PIEZO2: variants seen among roughly 807,000 people sequenced by gnomAD.
PIEZO2 encodes piezo-type mechanosensitive ion channel component 2.
PIEZO2 carries 172 observed loss-of-function variants against 337.3 expected under a neutral mutation model. That is an observed-to-expected ratio of 0.51 (90% confidence interval 0.45 to 0.58). The LOEUF is 0.58. Among genes scored for constraint, PIEZO2 ranks in the 20% least tolerant of loss-of-function variants. The pLI is 0.00. For missense variants in PIEZO2, 3,028 were observed against 3,391.3 expected (o/e 0.89, Z 2.66); for synonymous variants, 1,251 against 1,228.5 (o/e 1.02, Z -0.38).
chr18:10,725,644 G>A (rs2036504883), intron 36 of PIEZO2, among the ~76,000 whole-genome samples: 1 of 152,220 alleles, frequency 6.6e-6, no homozygotes, highest in Non-Finnish European at 1.5e-5. Flanking sequence ...GCCAGAACAT[G>A]CCTGCCCACG....
chr18:10,680,567 T>C (rs750927079), intron 51 of PIEZO2, among the ~76,000 whole-genome samples, 196 bp from the exon 52 acceptor site: 4 of 152,230 alleles, frequency 2.6e-5, no homozygotes, highest in Non-Finnish European at 5.9e-5. Flanking sequence ...CAGTTTCCAG[T>C]TACATTATCC....
Position 11,141,556 on chromosome 18 carries a change from ACTTAGAAGCGTGCC to A in PIEZO2, c.64+6955_64+6968del, listed in dbSNP as rs540524477. ...ACCGAGATGAAAACTTAAGGGCAAA[ACTTAGAAGCGTGCC>A]CTTGAACAAGGTGCTTGGTGTGGAC... is the stretch of plus-strand genomic sequence containing the variant. On this transcript the variant is annotated intron_variant, in intron 1 of 55. Transcript: ENST00000674853. Among the ~76,000 whole-genome samples, 264 of 152,302 alleles carry A rather than the reference ACTTAGAAGCGTGCC, an allele frequency of 1.7e-3. 1 individual carries two copies. Among genetic ancestry groups the A allele is most frequent in the Non-Finnish European group, 7.2e-4 (49 of 68,034 alleles).
intron 3 of PIEZO2, among the ~76,000 whole-genome samples, chr18:10,914,341 G>A (rs1447132873): frequency 1.3e-5 from 2 of 151,838 alleles, no homozygotes; most frequent in African/African-American, 4.8e-5. Context: ...GAGAATGGAT[G>A]TCCAGTCATC....
rs1243091210 is a variant in PIEZO2, at chr18:11,101,480, T to C, written c.65-35258A>G. The stretch of plus-strand genomic sequence containing the variant: ...ACCATTTTATACAAGAGACCATCTA[T>C]TATAAAACACAACATTATTTTTAAG... On this transcript the variant is annotated intron_variant, in intron 1 of 55. Coordinates refer to ENST00000674853, the MANE Select transcript of PIEZO2 (RefSeq NM_001378183.1). This position sits in a 1 kb window ranked among gnomAD's most constrained non-coding sequence, Gnocchi z 4.4. 6.6e-6 allele frequency among the ~76,000 whole-genome samples: 1 copy of C among 152,218 alleles called. No individual in the cohort carries two copies. Among genetic ancestry groups the C allele is most frequent in the Non-Finnish European group, 1.5e-5 (1 of 68,036 alleles).
chr18:11,023,599 C>T lies in PIEZO2; in HGVS notation c.160+42528G>A, dbSNP rs576277782. Among the ~76,000 whole-genome samples the T allele has an allele frequency of 3.5e-4, 53 of 152,372 alleles. 1 individual carries two copies. Among genetic ancestry groups the T allele is most frequent in the African/African-American group, 8.9e-4 (37 of 41,604 alleles). ...CCAGCTGGCTTCACCCAGTGGATCC[C>T]GCACCGGGGCGGCAGGTGGAGCTGC... On this transcript the variant is annotated intron_variant, in intron 2 of 55. Transcript: ENST00000674853.
chr18:11,134,658 C>T lies in PIEZO2; in HGVS notation c.64+13867G>A, dbSNP rs1466486454. On this transcript the variant is annotated intron_variant, in intron 1 of 55. Transcript: ENST00000674853. ...TCAGATAAGTTTGGAAAACACTGCA[C>T]GTTGTACTAAACTCTTAGAAATTCA... Among the ~76,000 whole-genome samples, 5 of 152,258 alleles carry T rather than the reference C, an allele frequency of 3.3e-5. No individual in the cohort carries two copies. In the East Asian group the frequency reaches 9.6e-4, roughly 29 times the overall value.
At chr18:11,051,368 T>TGTGTGTGTGTGTGG (rs769212730) in intron 2 of PIEZO2, among the ~76,000 whole-genome samples, 1 of 145,222 alleles carries the variant, frequency 6.9e-6, no homozygotes. Flanking sequence ...TGTGTGTGTG[T>TGTGTGTGTGTGTGG]GGGTGTGGGT....
Position 11,099,755 on chromosome 18 carries a change from G to A in PIEZO2, c.65-33533C>T, listed in dbSNP as rs1301893426. 2.6e-5 allele frequency among the ~76,000 whole-genome samples: 4 copies of A among 152,302 alleles called. No homozygotes were observed. The highest frequency in any genetic ancestry group is 1.9e-4 in the East Asian group (1 of 5,188). On this transcript the variant is annotated intron_variant, in intron 1 of 55. Transcript: ENST00000674853. This position sits in a 1 kb window ranked among gnomAD's most constrained non-coding sequence, Gnocchi z 5.4. ...ATTACAGGCGTGAGCCACTGTGCCC[G>A]TCCTATATCTTTATTCTTAATGAGG...
At chr18:10,764,660 G>A (rs2038279903) in intron 21 of PIEZO2, among the ~76,000 whole-genome samples, 1 of 151,976 alleles carries the variant, frequency 6.6e-6, no homozygotes, top group East Asian at 1.9e-4. Flanking sequence ...ATTTAATTCT[G>A]CTATTTGTTA....
intron 24 of PIEZO2, 67 bp downstream of exon 24, chr18:10,760,844 T>C (rs1458086152): frequency 1.5e-6 from 2 of 1,342,408 alleles, no homozygotes; most frequent in Non-Finnish European, 2.0e-6. Context: ...AGTGGCCAAT[T>C]GGCCAGAAGC....
At chr18:10,910,357 C>G (rs1418144987) in intron 4 of PIEZO2, among the ~76,000 whole-genome samples, 1 of 152,104 alleles carries the variant, frequency 6.6e-6, no homozygotes, top group African/African-American at 2.4e-5. Context: ...CCGAGCTGGG[C>G]GGATCACCTG....
intron 2 of PIEZO2, among the ~76,000 whole-genome samples, chr18:11,050,936 C>T (rs1326289457): frequency 6.6e-6 from 1 of 150,784 alleles, no homozygotes; most frequent in East Asian, 1.9e-4. Context: ...AGAAACCTAC[C>T]CCTTTCAAAA....
In PIEZO2 at chr18:10,744,266, T is replaced by C. The variant is rs376363988; in HGVS notation, c.4425-35A>G. ...AAGTGGAAACATGAACAAGTCAATA[T>C]TCTTGCCATTGTTGTTCCCCTTTTC... On this transcript the variant is annotated intron_variant, in intron 30 of 55. Transcript: ENST00000674853. 34 of 1,311,716 alleles carry C rather than the reference T, an allele frequency of 2.6e-5. No homozygotes were observed. The African/African-American group carries it at 4.4e-4, about 17-fold the overall frequency. 81.3% of individuals were successfully genotyped at this position (1,311,716 alleles called of 1,614,324 possible).
intron 3 of PIEZO2, among the ~76,000 whole-genome samples, chr18:10,972,894 T>A (rs1450503328): frequency 6.6e-6 from 1 of 152,164 alleles, no homozygotes; most frequent in Non-Finnish European, 1.5e-5. Context: ...CCCAAGGGCA[T>A]GGCCTATATT....
chr18:10,849,794 G>A (rs1234249521), intron 7 of PIEZO2, among the ~76,000 whole-genome samples: 1 of 152,232 alleles, frequency 6.6e-6, no homozygotes, highest in Non-Finnish European at 1.5e-5. Flanking sequence ...TGCATTAGCT[G>A]AGGCAAATTT....
intron 7 of PIEZO2, among the ~76,000 whole-genome samples, chr18:10,838,190 A>C (rs2041078927): frequency 2.0e-5 from 3 of 152,144 alleles, no homozygotes; most frequent in African/African-American, 7.2e-5. Flanking sequence ...TTTTACAATA[A>C]GTTTTTGCTA....
Position 11,110,402 on chromosome 18 carries a change from TC to T in PIEZO2, c.64+38122del, listed in dbSNP as rs1332425098. On this transcript the variant is annotated intron_variant, in intron 1 of 55. Transcript: ENST00000674853. This position sits in a 1 kb window ranked among gnomAD's most constrained non-coding sequence, Gnocchi z 4.2. ...ATCATCCCACCCTGGGAGTTGGGCC[TC>T]CCCCGCATTCTGGCTGACAGGGCTT... Among the ~76,000 whole-genome samples, 1 of 152,214 alleles carries T rather than the reference TC, an allele frequency of 6.6e-6. No individual in the cohort carries two copies.
At chr18:10,820,709 T>C (rs8097094) in intron 7 of PIEZO2, among the ~76,000 whole-genome samples, 1,997 of 152,348 alleles carry the variant, frequency 0.013, 27 homozygotes, top group African/African-American at 0.046. Flanking sequence ...TTGTTATTTC[T>C]ACATTATCGA....
intron 22 of PIEZO2, 116 bp from the exon 23 acceptor site, chr18:10,762,741 C>T: frequency 7.4e-7 from 1 of 1,358,864 alleles, no homozygotes; most frequent in East Asian, 2.5e-5. Flanking sequence ...GGGACAGGCC[C>T]ATTTCAGGGG....
Sources: gnomAD v4.1 joint callset for allele counts (sites outside exome capture counted in the v4.1 genomes callset) on GRCh38, gnomAD v4.1.1 for gene constraint, Gnocchi (gnomAD v3.1) non-coding constraint, MANE v1.5 for transcripts, NCBI Gene and HGNC (gene_info 2026-07-23, HGNC 2026-07-21) for gene names.